The following ATP8B4 variants were observed in gnomAD, a reference collection of about 807,000 sequenced individuals.
ATP8B4 encodes the protein ATPase phospholipid transporting 8B4 (putative), also known as probable phospholipid-transporting ATPase IM.
Under a neutral mutation model 145.6 loss-of-function variants are expected in ATP8B4, and 133 were observed. The observed-to-expected ratio is 0.91, with a 90% CI of 0.79 to 1.05. The LOEUF is 1.05. Ranked by LOEUF, ATP8B4 falls within the 50% of genes least tolerant of loss-of-function variation. ATP8B4 has a pLI of 0.00. For synonymous variants in ATP8B4, 507 were observed against 492.9 expected (o/e 1.03, Z -0.38); for missense variants, 1,458 against 1,425.2 (o/e 1.02, Z -0.37).
At chr15:49,948,960 C>T (rs2042823411) in intron 14 of ATP8B4, among the ~76,000 whole-genome samples, 1 of 151,942 alleles carries the variant, frequency 6.6e-6, no homozygotes. Context: ...TCAGGTTCGT[C>T]GAAGATCAGA....
At chr15:50,114,451 T>TCCTTC (rs1482297557) in intron 1 of ATP8B4, 14 of 152,290 alleles carry the variant, frequency 9.2e-5, no homozygotes, top group African/African-American at 3.4e-4. Context: ...TTTCCTTTTC[T>TCCTTC]CCTTCCCTTC....
intron 1 of ATP8B4, among the ~76,000 whole-genome samples, chr15:50,141,049 G>A (rs1168650410): frequency 6.6e-6 from 1 of 152,056 alleles, no homozygotes; most frequent in Non-Finnish European, 1.5e-5. Flanking sequence ...CCCAATATCT[G>A]TGACTCTGGT....
intron 6 of ATP8B4, among the ~76,000 whole-genome samples, chr15:50,033,190 G>C (rs2050581218): frequency 6.6e-6 from 1 of 152,192 alleles, no homozygotes; most frequent in African/African-American, 2.4e-5. Context: ...GAATAAGATT[G>C]ATGGAAACAG....
At chr15:50,100,640 G>C (rs17414093) in intron 2 of ATP8B4, among the ~76,000 whole-genome samples, 21,892 of 152,128 alleles carry the variant, frequency 0.14, 1,672 homozygotes, top group Middle Eastern at 0.16. Flanking sequence ...AGATGTGTCA[G>C]TCCCACTCAT....
Position 49,998,555 on chromosome 15 carries a change from T to C in ATP8B4, c.507-1796A>G, listed in dbSNP as rs578212683. 8.7e-3 allele frequency among the ~76,000 whole-genome samples: 1,327 copies of C among 152,358 alleles called. 23 individuals carry two copies. The highest frequency in any genetic ancestry group is 0.031 in the African/African-American group (1,281 of 41,586). Reference sequence around the variant, plus strand: ...AATGTCTTCTTTTGAGAAGTGTCTGTTCATGTCCTTCACCCACTTTTTGAT... The same window carrying C: ...AATGTCTTCTTTTGAGAAGTGTCTGCTCATGTCCTTCACCCACTTTTTGAT... On this transcript the variant is annotated intron_variant, in intron 8 of 27. Coordinates refer to ENST00000284509, the MANE Select transcript of ATP8B4 (RefSeq NM_024837.4).
intron 1 of ATP8B4, among the ~76,000 whole-genome samples, chr15:50,118,880 A>G (rs1274865882): frequency 6.6e-6 from 1 of 151,192 alleles, no homozygotes; most frequent in South Asian, 2.1e-4. Flanking sequence ...CTAACAGAGT[A>G]AAAAATAGAC....
At chr15:50,168,709 A>G (rs183659033) in intron 1 of ATP8B4, among the ~76,000 whole-genome samples, 6 of 152,176 alleles carry the variant, frequency 3.9e-5, no homozygotes, top group African/African-American at 1.4e-4. Flanking sequence ...GGCACGAAAC[A>G]GGCATGTAGA....
At chr15:50,070,138 C>G (rs2053632226) in intron 3 of ATP8B4, among the ~76,000 whole-genome samples, 2 of 152,170 alleles carry the variant, frequency 1.3e-5, no homozygotes, top group Non-Finnish European at 2.9e-5. Context: ...CTGTTTTAAG[C>G]TATCATTATC....
At chr15:49,904,091 C>G (rs969657500) in intron 20 of ATP8B4, among the ~76,000 whole-genome samples, 1 of 152,074 alleles carries the variant, frequency 6.6e-6, no homozygotes, top group Non-Finnish European at 1.5e-5. Flanking sequence ...GATTAGCCAG[C>G]GACAGATCCA....
chr15:49,906,892 G>A (rs2038684161), intron 20 of ATP8B4, among the ~76,000 whole-genome samples: 1 of 152,170 alleles, frequency 6.6e-6, no homozygotes, highest in African/African-American at 2.4e-5. Context: ...ACCCGCCCCT[G>A]GATTGGTAGT....
chr15:50,101,186 G>A (rs2153663457), intron 2 of ATP8B4, among the ~76,000 whole-genome samples: 1 of 152,252 alleles, frequency 6.6e-6, no homozygotes, highest in South Asian at 2.1e-4. Flanking sequence ...ACTGAGGAAA[G>A]TGAAAAATGG....
intron 1 of ATP8B4, among the ~76,000 whole-genome samples, chr15:50,107,486 G>A (rs1277280398): frequency 6.6e-6 from 1 of 152,084 alleles, no homozygotes; most frequent in African/African-American, 2.4e-5. Context: ...CATGAACGTA[G>A]TCTTCTCCAG....
chr15:50,045,990 T>C (rs899137167), intron 4 of ATP8B4, among the ~76,000 whole-genome samples: 3 of 152,238 alleles, frequency 2.0e-5, no homozygotes, highest in African/African-American at 7.2e-5. Flanking sequence ...TGTTTGTTTT[T>C]GTTTTCCTGA....
At chr15:49,980,149 G>T (rs889756461) in intron 11 of ATP8B4, among the ~76,000 whole-genome samples, 1 of 152,150 alleles carries the variant, frequency 6.6e-6, no homozygotes, top group African/African-American at 2.4e-5. Context: ...CATAGGCTCT[G>T]TATGAAGGTG....
At chr15:49,888,828 T>C (rs763385748) in intron 23 of ATP8B4, among the ~76,000 whole-genome samples, 10 of 152,098 alleles carry the variant, frequency 6.6e-5, no homozygotes, top group Admixed American at 2.6e-4. Flanking sequence ...TTAGAACAAA[T>C]TATATTTAAT....
chr15:49,984,223 G>A (rs910653005), intron 10 of ATP8B4, among the ~76,000 whole-genome samples: 16 of 152,120 alleles, frequency 1.1e-4, no homozygotes, highest in African/African-American at 2.7e-4. Flanking sequence ...GTGTCAGAGC[G>A]AGAATTTGAA....
At chr15:49,897,158 G>C in intron 23 of ATP8B4, 134 bp downstream of exon 23, 1 of 791,368 alleles carries the variant, frequency 1.3e-6, no homozygotes, top group East Asian at 2.6e-5. Flanking sequence ...TTACATAATT[G>C]TAATACTATT....
intron 2 of ATP8B4, among the ~76,000 whole-genome samples, chr15:50,077,042 A>T (rs1360140471): frequency 2.6e-5 from 4 of 152,212 alleles, no homozygotes; most frequent in Non-Finnish European, 4.4e-5. Flanking sequence ...CAATGACCTA[A>T]TGCCTGATAC....
intron 6 of ATP8B4, among the ~76,000 whole-genome samples, chr15:50,023,080 A>T (rs1166520008): frequency 1.3e-5 from 2 of 152,108 alleles, no homozygotes. Flanking sequence ...TATGTGCTCC[A>T]CCCAGCTCCA....
Sources: allele counts gnomAD v4.1 joint callset (sites outside exome capture counted in the v4.1 genomes callset), GRCh38; gene constraint gnomAD v4.1.1; transcripts MANE v1.5; gene names NCBI Gene and HGNC (gene_info 2026-07-23, HGNC 2026-07-21).